The following TTPAL variants were observed in gnomAD, a reference collection of about 807,000 sequenced individuals.
TTPAL encodes alpha-tocopherol transfer protein-like.
Under a neutral mutation model 28.7 loss-of-function variants are expected in TTPAL, and 21 were observed. The ratio of observed to expected loss-of-function variants is 0.73; its 90% confidence interval spans 0.52 to 1.06. The LOEUF (loss-of-function observed/expected upper bound fraction) is 1.06, where lower values mean the gene tolerates loss of function less well. Among genes scored for constraint, TTPAL ranks in the 50% least tolerant of loss-of-function variants. The pLI, the probability that TTPAL is intolerant of heterozygous loss-of-function variation, is 0.00. For synonymous variants in TTPAL, 169 were observed against 171.9 expected, an observed-to-expected ratio of 0.98 and a Z score of 0.13; for missense variants, 345 against 425.5, an observed-to-expected ratio of 0.81 and a Z score of 1.67.
At chr20:44,486,488 G>T in intron 3 of TTPAL, 108 bp from the exon 4 acceptor site, 1 of 700,932 alleles carries the variant, frequency 1.4e-6, no homozygotes, top group African/African-American at 1.8e-5. Flanking sequence ...GAGGCCATAA[G>T]GATCAGATCA....
chr20:44,476,023 G>C (rs1038982470), intron 1 of TTPAL, 32 bp downstream of exon 1: 6 of 152,326 alleles, frequency 3.9e-5, no homozygotes, highest in Middle Eastern at 3.2e-3. Flanking sequence ...CGTGTGCCCT[G>C]GGAGCTGAGG....
rs7266098 is a variant in TTPAL, at chr20:44,493,475, T to C, written c.*3934T>C. 0.17 allele frequency: 25,977 copies of C among 152,256 alleles called. 2,839 individuals carry two copies. Among genetic ancestry groups the C allele is most frequent in the African/African-American group, 0.32 (13,056 of 41,440 alleles). The allele number at this position is 152,256 out of a possible 1,614,324, so 9.4% of individuals were successfully genotyped here. A position where few individuals can be genotyped will look rare whatever the true frequency, so the allele number is the denominator to read the frequency against. ...CATTTGGGTAGCAAAAGCTAGAGTA[T>C]TGCTGTGGCGATTATAATACTTTTA... On this transcript the variant is annotated 3_prime_UTR_variant, in exon 5 of 5. Transcript: ENST00000262605.
chr20:44,486,822 G>A, intron 4 of TTPAL, 116 bp downstream of exon 4: 1 of 618,364 alleles, frequency 1.6e-6, no homozygotes, highest in South Asian at 2.0e-5. Context: ...AAAGTACAGA[G>A]TTACAGATAA....
At chr20:44,482,646 TAAGA>T (rs1263132089) in intron 2 of TTPAL, among the ~76,000 whole-genome samples, 1 of 152,032 alleles carries the variant, frequency 6.6e-6, no homozygotes, top group African/African-American at 2.4e-5. Flanking sequence ...TTTTATCTTT[TAAGA>T]AAGAGGCACA....
rs1218748698 is a variant in TTPAL, at chr20:44,490,509, G to C, written c.*968G>C. The C allele has an allele frequency of 6.6e-6, 1 of 152,362 alleles. No homozygotes were observed. The highest frequency in any genetic ancestry group is 1.5e-5 in the Non-Finnish European group (1 of 68,042). 9.4% of individuals were successfully genotyped at this position (152,362 alleles called of 1,614,324 possible). ...TAGAAAGATAACTATCTAGATACAA[G>C]TGGTTGGATCCTGTTTTTGTTTGTG... On this transcript the variant is annotated 3_prime_UTR_variant, in exon 5 of 5. Coordinates refer to ENST00000262605, the MANE Select transcript of TTPAL (RefSeq NM_001039199.3).
At chr20:44,479,835 T>C in intron 1 of TTPAL, 150 bp from the exon 2 acceptor site, 1 of 684,416 alleles carries the variant, frequency 1.5e-6, no homozygotes, top group Non-Finnish European at 2.4e-6. Context: ...CTTGCGTGTA[T>C]GGTTTAGATC....
In TTPAL at chr20:44,489,571, C is replaced by A. The variant is rs371822304; in HGVS notation, c.*30C>A. 7.6e-6 allele frequency: 12 copies of A among 1,586,178 alleles called. 1 individual carries two copies. In the Middle Eastern group the frequency reaches 5.0e-4, roughly 67 times the overall value. ...TCCCCCAGGGTCACCATCTTTAATT[C>A]TTTTCCTTCTTTTCTTTGGAGAGGC... is the stretch of plus-strand genomic sequence containing the variant. On this transcript the variant is annotated 3_prime_UTR_variant, in exon 5 of 5. Transcript: ENST00000262605.
chr20:44,480,751 C>T lies in TTPAL; in HGVS notation c.445+307C>T, dbSNP rs757206606. ...AGCCGTTCTCCCTGTCTCTGCCTGA[C>T]GGTCTGTGTATCCTTCAGCCACACA... On this transcript the variant is annotated intron_variant, in intron 2 of 4. Transcript: ENST00000262605. This position sits in a 1 kb window ranked among gnomAD's most constrained non-coding sequence, Gnocchi z 4.1. 1.4e-4 allele frequency among the ~76,000 whole-genome samples: 21 copies of T among 152,306 alleles called. No individual in the cohort carries two copies. Among genetic ancestry groups the T allele is most frequent in the Admixed American group, 2.6e-4 (4 of 15,294 alleles).
chr20:44,489,143 T>G (rs773770804), intron 4 of TTPAL, 120 bp from the exon 5 acceptor site: 11 of 1,126,138 alleles, frequency 9.8e-6, no homozygotes, highest in Non-Finnish European at 1.3e-5. Flanking sequence ...AGGGTAGAGT[T>G]GCCATTAACA....
At position 44,494,071 on chromosome 20, in the gene TTPAL, T is replaced by C. The variant is rs1315818928; in HGVS notation, c.*4530T>C. 6.6e-6 allele frequency: 1 copy of C among 152,080 alleles called. No homozygotes were observed. The highest frequency in any genetic ancestry group is 1.5e-5 in the Non-Finnish European group (1 of 68,042). The allele number at this position is 152,080 out of a possible 1,614,324, so 9.4% of individuals were successfully genotyped here. ...AAATTCATTCTTCTGCTCTCCTGAC[T>C]TAGAGAAATGGTTTGCTTAAAATGC... On this transcript the variant is annotated 3_prime_UTR_variant, in exon 5 of 5. Transcript: ENST00000262605.
chr20:44,479,399 GTTTTTTTTTTT>G (rs869123576), intron 1 of TTPAL, among the ~76,000 whole-genome samples: 3,102 of 81,382 alleles, frequency 0.038, 39 homozygotes, highest in Non-Finnish European at 0.061. Flanking sequence ...AATCTGAGTT[GTTTTTTTTTTT>G]TTTTTTTTTT....
In TTPAL at chr20:44,492,486, G is replaced by A. The variant is rs1440246964; in HGVS notation, c.*2945G>A. Reference sequence around the variant, plus strand: ...TGATGAGCTGGCTTAACATCCCTGAGTGATTCCATGATAGAGATCTATACT... The same window carrying A: ...TGATGAGCTGGCTTAACATCCCTGAATGATTCCATGATAGAGATCTATACT... On this transcript the variant is annotated 3_prime_UTR_variant, in exon 5 of 5. Coordinates refer to ENST00000262605, the MANE Select transcript of TTPAL (RefSeq NM_001039199.3). 6.6e-6 allele frequency: 1 copy of A among 152,244 alleles called. No individual in the cohort carries two copies. Among genetic ancestry groups the A allele is most frequent in the Non-Finnish European group, 1.5e-5 (1 of 68,046 alleles). The allele number at this position is 152,244 out of a possible 1,614,324, so 9.4% of individuals were successfully genotyped here.
rs370804543 is a variant in TTPAL at position 44,481,183 on chromosome 20, G to T, written c.445+739G>T. ...TCTTAGCATTTCATGGCAGTGATTA[G>T]GATACCTTACATTTCTTTGTCATGG... On this transcript the variant is annotated intron_variant, in intron 2 of 4. Coordinates refer to ENST00000262605, the MANE Select transcript of TTPAL (RefSeq NM_001039199.3). Among the ~76,000 whole-genome samples, 12 of 152,262 alleles carry T rather than the reference G, an allele frequency of 7.9e-5. 1 individual carries two copies. Among genetic ancestry groups the T allele is most frequent in the East Asian group, 1.9e-4 (1 of 5,180 alleles).
At position 44,480,024 on chromosome 20, in the gene TTPAL, A is replaced by C; in HGVS notation, c.25A>C (p.Arg9=). The change falls in exon 2 of 5, where the codon AGA becomes CGA. Residue 9 remains arginine (R), a synonymous_variant. Transcript: ENST00000262605. This position sits in a 1 kb window ranked among gnomAD's most constrained non-coding sequence, Gnocchi z 4.1. ...AATGTCCGAAGAAAGTGACTCTCTG[A>C]GAACCAGCCCTTCTGTGGCCTCACT... MSEESDSL[R]TSPSVASLSE... is the part of the protein sequence containing the mutation. 6.2e-7 allele frequency: 1 copy of C among 1,613,656 alleles called. No individual in the cohort carries two copies. Among genetic ancestry groups the C allele is most frequent in the Non-Finnish European group, 8.5e-7 (1 of 1,179,618 alleles).
rs1600785978 is a variant in TTPAL, at chr20:44,481,174, C to T, written c.445+730C>T. On this transcript the variant is annotated intron_variant, in intron 2 of 4. Coordinates refer to ENST00000262605, the MANE Select transcript of TTPAL (RefSeq NM_001039199.3). ...GTTTTTTGATCTTAGCATTTCATGG[C>T]AGTGATTAGGATACCTTACATTTCT... 2.0e-5 allele frequency among the ~76,000 whole-genome samples: 3 copies of T among 152,148 alleles called. No individual in the cohort carries two copies. The South Asian group carries it at 6.2e-4, about 32-fold the overall frequency.
At chr20:44,487,211 G>A (rs2064159790) in intron 4 of TTPAL, among the ~76,000 whole-genome samples, 2 of 151,876 alleles carry the variant, frequency 1.3e-5, no homozygotes, top group Non-Finnish European at 2.9e-5. Context: ...GAATCCGGGA[G>A]GCGGAGGTTG....
intron 2 of TTPAL, among the ~76,000 whole-genome samples, chr20:44,482,205 TAGAC>T (rs1237907434): frequency 2.6e-5 from 4 of 152,132 alleles, no homozygotes; most frequent in African/African-American, 7.2e-5. Flanking sequence ...GCAGCAACGT[TAGAC>T]AGCAAGCTGG....
rs1257769757 is a variant in TTPAL at position 44,491,390 on chromosome 20, C to T, written c.*1849C>T. 1 of 152,242 alleles carries T rather than the reference C, an allele frequency of 6.6e-6. No individual in the cohort carries two copies. Among genetic ancestry groups the T allele is most frequent in the South Asian group, 2.1e-4 (1 of 4,832 alleles). 9.4% of individuals were successfully genotyped at this position (152,242 alleles called of 1,614,324 possible). On this transcript the variant is annotated 3_prime_UTR_variant, in exon 5 of 5. Coordinates refer to ENST00000262605, the MANE Select transcript of TTPAL (RefSeq NM_001039199.3). ...TGAAAAGTACTGTGTTGTGTGTGCA[C>T]CTTCTCCGTGCATTTATTAGACTAA...
intron 1 of TTPAL, among the ~76,000 whole-genome samples, chr20:44,479,556 T>A (rs2064082278): frequency 6.6e-6 from 1 of 151,750 alleles, no homozygotes; most frequent in Admixed American, 6.6e-5. Flanking sequence ...TCACCACACC[T>A]ACCTAATTTT....
Sources: gnomAD v4.1 joint callset for allele counts (sites outside exome capture counted in the v4.1 genomes callset) on GRCh38, gnomAD v4.1.1 for gene constraint, Gnocchi (gnomAD v3.1) non-coding constraint, MANE v1.5 for transcripts, NCBI Gene and HGNC (gene_info 2026-07-23, HGNC 2026-07-21) for gene names.